Variants in ZNF610 observed in about 807,000 individuals in gnomAD.
The protein encoded by ZNF610 is zink finger protein.
Under a neutral mutation model 14.1 loss-of-function variants are expected in ZNF610, and 14 were observed. The observed-to-expected ratio is 0.99, with a 90% CI of 0.65 to 1.55. The LOEUF is 1.55. ZNF610 is among the 40% of genes most tolerant of loss of function. ZNF610 has a pLI of 0.00. For missense variants in ZNF610, 530 were observed against 558.0 expected (o/e 0.95, Z 0.51); for synonymous variants, 185 against 187.6 (o/e 0.99, Z 0.11).
chr19:52,366,150 AAGC>A lies in ZNF610; in HGVS notation c.773_775del (p.Lys258_Pro259delinsThr), dbSNP rs1426614615. On this transcript the variant is annotated inframe_deletion, in exon 6 of 6. Coordinates refer to ENST00000403906, the MANE Select transcript of ZNF610 (RefSeq NM_001161425.2). ...ACATTGGAGAATTCATACTGGACAG[AAGC>A]CTTACAAATGTAGTGAATGTGACAA... 6.2e-7 allele frequency: 1 copy of A among 1,613,734 alleles called. No individual in the cohort carries two copies. The highest frequency in any genetic ancestry group is 8.5e-7 in the Non-Finnish European group (1 of 1,179,722).
chr19:52,361,276 T>A (rs1985762103), intron 5 of ZNF610, among the ~76,000 whole-genome samples: 1 of 151,960 alleles, frequency 6.6e-6, no homozygotes, highest in Non-Finnish European at 1.5e-5. Context: ...CCTCCCAGGT[T>A]CCAGTGATTC....
At position 52,366,020 on chromosome 19, in the gene ZNF610, A is replaced by T. The variant is rs1986016648; in HGVS notation, c.642A>T (p.Arg214Ser). The T allele has an allele frequency of 6.2e-7, 1 of 1,614,046 alleles. No individual in the cohort carries two copies. Among genetic ancestry groups the T allele is most frequent in the African/African-American group, 1.3e-5 (1 of 74,936 alleles). The change falls in exon 6 of 6, where the codon AGA becomes AGT. Residue 214 changes from arginine to serine, a missense_variant. By Grantham distance (110) the Arg-to-Ser change is moderately radical (BLOSUM62 -1). Coordinates refer to ENST00000403906, the MANE Select transcript of ZNF610 (RefSeq NM_001161425.2). ...GTAGTGAAGATGGTGAAGTTTTTAG[A>T]GTCCGTGCAAGCCTTACTAACCATC... The part of the protein sequence containing the change: ...YECSEDGEVF[R>S]VRASLTNHQV...
At chr19:52,365,058 C>T (rs2122302775) in intron 5 of ZNF610, among the ~76,000 whole-genome samples, 1 of 151,468 alleles carries the variant, frequency 6.6e-6, no homozygotes, top group East Asian at 2.0e-4. Context: ...CCAGTCTGGC[C>T]AACGTGGTGA....
rs1568657248 is a variant in ZNF610 at position 52,366,761 on chromosome 19, GGAAT to G, written c.1389_*3del. 1.2e-6 allele frequency: 2 copies of G among 1,604,816 alleles called. No individual in the cohort carries two copies. Among genetic ancestry groups the G allele is most frequent in the Admixed American group, 3.4e-5 (2 of 59,234 alleles). ...AGAATTCACTGCGTACCTTACAGAT[GGAAT>G]GAATGTGGCAAAATCTTTAGTTAGA... On this transcript the variant is annotated frameshift_variant and stop_lost, in exon 6 of 6. Transcript: ENST00000403906. LOFTEE classifies it high-confidence loss of function.
intron 3 of ZNF610, 50 bp downstream of exon 3, chr19:52,349,285 C>T: frequency 6.4e-7 from 1 of 1,563,490 alleles, no homozygotes; most frequent in Non-Finnish European, 8.8e-7. Context: ...TTCTGAAATG[C>T]CTGAAGCATC....
At chr19:52,342,103 C>T (rs1984715330) in intron 1 of ZNF610, among the ~76,000 whole-genome samples, 1 of 152,114 alleles carries the variant, frequency 6.6e-6, no homozygotes, top group African/African-American at 2.4e-5. Flanking sequence ...GCCACTGTGC[C>T]ATGCTAATAT....
At chr19:52,335,067 TGG>T (rs3029517), upstream of ZNF610, among the ~76,000 whole-genome samples, 106,937 of 149,746 alleles carry the variant, frequency 0.71, 38,638 homozygotes, top group African/African-American at 0.85. Context: ...GGCCGGGGCG[TGG>T]GGGGGGGGTG....
At chr19:52,340,709 C>A (rs1984646893) in intron 1 of ZNF610, among the ~76,000 whole-genome samples, 1 of 151,606 alleles carries the variant, frequency 6.6e-6, no homozygotes, top group Non-Finnish European at 1.5e-5. Context: ...GAGACGGAGT[C>A]TCACTGTGTC....
chr19:52,332,265 A>G (rs1359058390), upstream of ZNF610, among the ~76,000 whole-genome samples: 2 of 152,232 alleles, frequency 1.3e-5, no homozygotes, highest in Non-Finnish European at 2.9e-5. This position sits in a 1 kb window ranked among gnomAD's most constrained non-coding sequence, Gnocchi z 4.1. Context: ...ATTTGCAGAC[A>G]CTAACTAACC....
At position 52,347,811 on chromosome 19, in the gene ZNF610, C is replaced by G. The variant is rs772781670; in HGVS notation, c.-153C>G. 2.6e-5 allele frequency: 4 copies of G among 152,224 alleles called. No individual in the cohort carries two copies. The highest frequency in any genetic ancestry group is 4.4e-5 in the Non-Finnish European group (3 of 68,052). 9.4% of individuals were successfully genotyped at this position (152,224 alleles called of 1,614,324 possible). A position where few individuals can be genotyped will look rare whatever the true frequency, so the allele number is the denominator to read the frequency against. On this transcript the variant is annotated 5_prime_UTR_variant, in exon 2 of 6. Transcript: ENST00000403906. ...GTGCTGGGATTACAGGCATGAGCCACTACGCCTGGCCAAGTATTCGGTATT... is the reference window on the plus strand; with the variant it reads ...GTGCTGGGATTACAGGCATGAGCCAGTACGCCTGGCCAAGTATTCGGTATT...
upstream of ZNF610, among the ~76,000 whole-genome samples, chr19:52,335,192 C>G (rs1810006): frequency 0.68 from 102,454 of 151,536 alleles, 34,996 homozygotes; most frequent in African/African-American, 0.74. Flanking sequence ...GTGGTCCCAG[C>G]TACTCAGGAG....
At chr19:52,341,736 C>G (rs1984701818) in intron 1 of ZNF610, among the ~76,000 whole-genome samples, 2 of 152,172 alleles carry the variant, frequency 1.3e-5, no homozygotes, top group African/African-American at 2.4e-5. Flanking sequence ...AAATGATCCT[C>G]CTGCCTCAGT....
At chr19:52,331,252 T>C (rs1399945924), upstream of ZNF610, among the ~76,000 whole-genome samples, 1 of 152,136 alleles carries the variant, frequency 6.6e-6, no homozygotes, top group Non-Finnish European at 1.5e-5. Flanking sequence ...TCTCATTGGT[T>C]TTTCTCCCCA....
chr19:52,339,165 T>C (rs1984544922), intron 1 of ZNF610, among the ~76,000 whole-genome samples: 1 of 151,906 alleles, frequency 6.6e-6, no homozygotes. Flanking sequence ...CCTAAGGCGG[T>C]TTTCTCCTAT....
In ZNF610 at chr19:52,354,189, A is replaced by G. The variant is rs1277802208; in HGVS notation, c.191-62A>G. On this transcript the variant is annotated intron_variant, in intron 4 of 5. Coordinates refer to ENST00000403906, the MANE Select transcript of ZNF610 (RefSeq NM_001161425.2). ...TTTGCGATATCCCCTCTCTTACCTA[A>G]ACACAGGGTTTGGGTTTTGGAAATG... 4 of 1,598,346 alleles carry G rather than the reference A, an allele frequency of 2.5e-6. No homozygotes were observed. The African/African-American group carries it at 4.1e-5, about 16-fold the overall frequency.
At chr19:52,334,307 G>T (rs1478185644), upstream of ZNF610, among the ~76,000 whole-genome samples, 1 of 103,854 alleles carries the variant, frequency 9.6e-6, no homozygotes, top group Non-Finnish European at 2.1e-5. Context: ...GAGGTCAGAA[G>T]TTCAAGACCA....
In ZNF610 at chr19:52,365,965, A is replaced by T. The variant is rs781015399; in HGVS notation, c.587A>T (p.Tyr196Phe). ...TTACTCCCACAAGAAGAGAAAGCAT[A>T]CATTAGAGGAAAATCTTATGAATAT... ...FPLLPQEEKAYIRGKSYEYEC... is the reference protein window; with the variant it reads ...FPLLPQEEKAFIRGKSYEYEC... The change falls in exon 6 of 6, where the codon TAC becomes TTC. Residue 196 changes from tyrosine (Y) to phenylalanine (F), a missense_variant. Tyr to Phe is a conservative substitution (Grantham distance 22, BLOSUM62 3). Coordinates refer to ENST00000403906, the MANE Select transcript of ZNF610 (RefSeq NM_001161425.2). 1.9e-6 allele frequency: 3 copies of T among 1,614,098 alleles called. No individual in the cohort carries two copies. The South Asian group carries it at 3.3e-5, about 18-fold the overall frequency.
chr19:52,361,953 CTCTG>C (rs771927782), intron 5 of ZNF610, among the ~76,000 whole-genome samples: 32 of 152,134 alleles, frequency 2.1e-4, no homozygotes, highest in Non-Finnish European at 4.4e-4. Flanking sequence ...TGAGGTCTCA[CTCTG>C]TCTCCCACAT....
At chr19:52,338,975 C>T (rs1344813129) in intron 1 of ZNF610, among the ~76,000 whole-genome samples, 1 of 151,986 alleles carries the variant, frequency 6.6e-6, no homozygotes, top group Admixed American at 6.5e-5. Context: ...CTATCTCTAC[C>T]ATCTCGGAGA....
Sources: allele counts gnomAD v4.1 joint callset (sites outside exome capture counted in the v4.1 genomes callset), GRCh38; gene constraint gnomAD v4.1.1; non-coding constraint Gnocchi (gnomAD v3.1); transcripts MANE v1.5; gene names NCBI Gene and HGNC (gene_info 2026-07-23, HGNC 2026-07-21).